The following PLCB1 variants were observed in gnomAD, a reference collection of about 807,000 sequenced individuals.
PLCB1 encodes the protein 1-phosphatidylinositol 4,5-bisphosphate phosphodiesterase beta-1.
PLCB1 carries 46 observed loss-of-function variants against 161.8 expected under a neutral mutation model. The observed-to-expected ratio is 0.28, with a 90% CI of 0.22 to 0.36. The LOEUF (loss-of-function observed/expected upper bound fraction) is 0.36, where lower values mean the gene tolerates loss of function less well. Among genes scored for constraint, PLCB1 ranks in the 10% least tolerant of loss-of-function variants. PLCB1 has a pLI of 1.00. For missense variants in PLCB1, 1,016 were observed against 1,472.5 expected (o/e 0.69, Z 5.07); for synonymous variants, 517 against 503.7 (o/e 1.03, Z -0.35).
intron 2 of PLCB1, among the ~76,000 whole-genome samples, chr20:8,359,751 C>T (rs966932534): frequency 1.3e-5 from 2 of 152,052 alleles, no homozygotes; most frequent in African/African-American, 4.8e-5. Context: ...CTCGAATGCT[C>T]ATATTTAGTG....
At chr20:8,626,208 G>A (rs1281143668) in intron 3 of PLCB1, among the ~76,000 whole-genome samples, 1 of 150,732 alleles carries the variant, frequency 6.6e-6, no homozygotes. Flanking sequence ...AAAGATATAT[G>A]AGCAACAATT....
intron 3 of PLCB1, among the ~76,000 whole-genome samples, chr20:8,561,462 C>G (rs1447809250): frequency 6.6e-6 from 1 of 151,858 alleles, no homozygotes; most frequent in Non-Finnish European, 1.5e-5. Flanking sequence ...GGTGCCAAGA[C>G]CCATGCACTG....
intron 3 of PLCB1, among the ~76,000 whole-genome samples, chr20:8,605,439 A>T (rs1024690865): frequency 1.3e-5 from 2 of 152,122 alleles, no homozygotes; most frequent in Non-Finnish European, 2.9e-5. Flanking sequence ...TCTTTAAAAT[A>T]TAACAACCTT....
At chr20:8,354,607 A>G (rs1211623623) in intron 2 of PLCB1, among the ~76,000 whole-genome samples, 1 of 152,210 alleles carries the variant, frequency 6.6e-6, no homozygotes, top group Non-Finnish European at 1.5e-5. Flanking sequence ...ATGTGGAAAA[A>G]CAGAACAAAA....
rs113800302 is a variant in PLCB1, at chr20:8,705,187, C to T, written c.1168-3483C>T. 8.9e-3 allele frequency among the ~76,000 whole-genome samples: 1,353 copies of T among 152,044 alleles called. 25 individuals carry two copies. Among genetic ancestry groups the T allele is most frequent in the African/African-American group, 0.031 (1,296 of 41,462 alleles). On this transcript the variant is annotated intron_variant, in intron 11 of 31. Coordinates refer to ENST00000338037, the MANE Select transcript of PLCB1 (RefSeq NM_015192.4). ...AGTTGACACATAAAATTAATCATCA[C>T]GAGCTACAAAGGCAGAGTTGAACAG... is the stretch of plus-strand genomic sequence containing the variant.
At chr20:8,803,310 C>A (rs1265309800) in intron 31 of PLCB1, among the ~76,000 whole-genome samples, 1 of 152,082 alleles carries the variant, frequency 6.6e-6, no homozygotes, top group Non-Finnish European at 1.5e-5. Flanking sequence ...CACATTTTAA[C>A]TGGCCAGGAT....
At chr20:8,327,520 C>T (rs1379874945) in intron 2 of PLCB1, among the ~76,000 whole-genome samples, 2 of 152,156 alleles carry the variant, frequency 1.3e-5, no homozygotes, top group Non-Finnish European at 2.9e-5. Flanking sequence ...AACCAACAGA[C>T]TCAGAAGTTG....
At chr20:8,354,960 T>C (rs1210463607) in intron 2 of PLCB1, among the ~76,000 whole-genome samples, 1 of 152,148 alleles carries the variant, frequency 6.6e-6, no homozygotes, top group Non-Finnish European at 1.5e-5. Flanking sequence ...TTGCTATAAA[T>C]TCATGGGATT....
At chr20:8,405,903 C>A (rs369060983) in intron 3 of PLCB1, among the ~76,000 whole-genome samples, 67 of 152,276 alleles carry the variant, frequency 4.4e-4, no homozygotes, top group African/African-American at 1.6e-3. Context: ...CTACTGACAT[C>A]TCTGCCCAAA....
At chr20:8,818,642 A>T (rs1985187599) in intron 31 of PLCB1, among the ~76,000 whole-genome samples, 1 of 152,232 alleles carries the variant, frequency 6.6e-6, no homozygotes, top group African/African-American at 2.4e-5. Context: ...TAACTTAAAA[A>T]ATATATAACA....
intron 3 of PLCB1, among the ~76,000 whole-genome samples, chr20:8,618,310 A>C (rs1988086522): frequency 6.6e-6 from 1 of 152,112 alleles, no homozygotes; most frequent in African/African-American, 2.4e-5. Context: ...TTTTTTGTAA[A>C]ATTTTTTTAA....
intron 9 of PLCB1, among the ~76,000 whole-genome samples, chr20:8,678,863 A>G (rs1320067352): frequency 6.6e-6 from 1 of 152,186 alleles, no homozygotes; most frequent in East Asian, 1.9e-4. Context: ...CATCCCCAAG[A>G]AGGTTCCTAT....
chr20:8,668,201 T>C (rs1020985664), intron 9 of PLCB1, among the ~76,000 whole-genome samples: 1 of 151,324 alleles, frequency 6.6e-6, no homozygotes, highest in African/African-American at 2.4e-5. Context: ...CCTTCCACCC[T>C]AACCCTTAAT....
At chr20:8,241,660 T>G (rs1220771120) in intron 2 of PLCB1, among the ~76,000 whole-genome samples, 1 of 151,892 alleles carries the variant, frequency 6.6e-6, no homozygotes, top group Non-Finnish European at 1.5e-5. Flanking sequence ...AGTCTTGTTT[T>G]GTTTGATTTC....
intron 3 of PLCB1, among the ~76,000 whole-genome samples, chr20:8,576,101 GT>G (rs1986665242): frequency 6.6e-6 from 1 of 152,012 alleles, no homozygotes; most frequent in Non-Finnish European, 1.5e-5. Context: ...TATAATTTCT[GT>G]TTTAAATTTG....
At chr20:8,798,551 C>T (rs368806661) in intron 31 of PLCB1, among the ~76,000 whole-genome samples, 1 of 137,562 alleles carries the variant, frequency 7.3e-6, no homozygotes, top group African/African-American at 2.7e-5. Context: ...GCCTCTTTGT[C>T]ACAGAGTTGA....
At chr20:8,541,258 C>T (rs1421262682) in intron 3 of PLCB1, among the ~76,000 whole-genome samples, 1 of 152,178 alleles carries the variant, frequency 6.6e-6, no homozygotes, top group Non-Finnish European at 1.5e-5. Context: ...CACTAATGCT[C>T]TCCAAATATT....
chr20:8,309,196 G>T (rs1984276579), intron 2 of PLCB1, among the ~76,000 whole-genome samples: 1 of 152,140 alleles, frequency 6.6e-6, no homozygotes, highest in South Asian at 2.1e-4. Flanking sequence ...GAGACTGGGG[G>T]AGACACTTGG....
rs34787623 is a variant in PLCB1 at position 8,523,398 on chromosome 20, ATGTGTGTGTGTG to A, written c.247-104876_247-104865del. Among the ~76,000 whole-genome samples the A allele has an allele frequency of 9.8e-5, 12 of 122,576 alleles. No homozygotes were observed. In the East Asian group the frequency reaches 1.6e-3, roughly 16 times the overall value. 80.4% of individuals were successfully genotyped at this position (122,576 alleles called of 152,430 possible). ...GCAAATGATCCTGATCATAACAAAT[ATGTGTGTGTGTG>A]TGTGTGTGTGTGTGTGTGTATGGAG... On this transcript the variant is annotated intron_variant, in intron 3 of 31. Coordinates refer to ENST00000338037, the MANE Select transcript of PLCB1 (RefSeq NM_015192.4).
Sources: gnomAD v4.1 joint callset for allele counts (sites outside exome capture counted in the v4.1 genomes callset) on GRCh38, gnomAD v4.1.1 for gene constraint, MANE v1.5 for transcripts, NCBI Gene and HGNC (gene_info 2026-07-23, HGNC 2026-07-21) for gene names.